Variants in ICA1 observed in about 807,000 individuals in gnomAD.
ICA1 encodes 69 kDa islet cell autoantigen.
ICA1 carries 40 observed loss-of-function variants against 71.0 expected under a neutral mutation model. The ratio of observed to expected loss-of-function variants is 0.56; its 90% CI spans 0.44 to 0.73. The LOEUF is 0.73. Ranked by LOEUF, ICA1 falls within the 30% of genes least tolerant of loss-of-function variation. ICA1 has a pLI of 0.00. For missense variants in ICA1, 578 were observed against 576.5 expected (o/e 1.00, Z -0.03); for synonymous variants, 207 against 209.5 (o/e 0.99, Z 0.10).
At chr7:8,122,792 C>T (rs959341880) in intron 13 of ICA1, among the ~76,000 whole-genome samples, 1 of 152,172 alleles carries the variant, frequency 6.6e-6, no homozygotes, top group African/African-American at 2.4e-5. Flanking sequence ...AAAAGAATAC[C>T]GTGAAGGAAC....
At chr7:8,233,602 G>T (rs1368530023) in intron 2 of ICA1, among the ~76,000 whole-genome samples, 1 of 151,728 alleles carries the variant, frequency 6.6e-6, no homozygotes, top group East Asian at 1.9e-4. Context: ...CACTATGTTG[G>T]CCAGGCTGGT....
At chr7:8,157,711 T>TTTTA (rs1802183147) in intron 7 of ICA1, 1 of 152,276 alleles carries the variant, frequency 6.6e-6, no homozygotes, top group Non-Finnish European at 1.5e-5. Flanking sequence ...TTTTTTTTTT[T>TTTTA]TGAGATGGAG....
chr7:8,208,911 G>A (rs1045748494), intron 6 of ICA1, among the ~76,000 whole-genome samples: 7 of 152,126 alleles, frequency 4.6e-5, no homozygotes, highest in Admixed American at 3.9e-4. Context: ...AGGCACTGAG[G>A]AGCCCTTGTT....
chr7:8,210,322 G>T (rs781419251), intron 6 of ICA1, among the ~76,000 whole-genome samples: 2 of 152,190 alleles, frequency 1.3e-5, no homozygotes, highest in African/African-American at 2.4e-5. Context: ...AACAGAAAAG[G>T]ATGTGAGAGA....
intron 1 of ICA1, among the ~76,000 whole-genome samples, chr7:8,246,402 T>C (rs1022705608): frequency 1.3e-5 from 2 of 152,130 alleles, no homozygotes; most frequent in African/African-American, 4.8e-5. Flanking sequence ...TGGGAATGAG[T>C]TGGTGAGGAG....
At chr7:8,150,948 G>A (rs1274143590) in intron 8 of ICA1, among the ~76,000 whole-genome samples, 1 of 152,206 alleles carries the variant, frequency 6.6e-6, no homozygotes, top group African/African-American at 2.4e-5. Context: ...GCAGGCCCAG[G>A]CAAACGACTA....
At position 8,234,613 on chromosome 7, in the gene ICA1, G is replaced by C. The variant is rs1801270757; in HGVS notation, c.17+1297C>G. ...ACATTTATTCTTAAAAAGCCAGAAGGCATTTCTGATGACTTCCTTAACAAT... is the reference window on the plus strand; with the variant it reads ...ACATTTATTCTTAAAAAGCCAGAAGCCATTTCTGATGACTTCCTTAACAAT... On this transcript the variant is annotated intron_variant, in intron 2 of 13. Coordinates refer to ENST00000402384, the MANE Select transcript of ICA1 (RefSeq NM_001136020.3). This position sits in a 1 kb window ranked among gnomAD's most constrained non-coding sequence, Gnocchi z 4.5. 6.6e-6 allele frequency among the ~76,000 whole-genome samples: 1 copy of C among 152,164 alleles called. No homozygotes were observed. The highest frequency in any genetic ancestry group is 2.1e-4 in the South Asian group (1 of 4,826).
intron 3 of ICA1, 106 bp downstream of exon 3, chr7:8,232,484 C>T (rs1031834161): frequency 2.1e-6 from 2 of 970,410 alleles, no homozygotes; most frequent in Admixed American, 8.1e-5. Context: ...AGATTTTCCT[C>T]ATTTTCAAAT....
At chr7:8,243,229 G>A (rs867451851) in intron 1 of ICA1, among the ~76,000 whole-genome samples, 10 of 152,214 alleles carry the variant, frequency 6.6e-5, no homozygotes, top group East Asian at 1.9e-4. Context: ...CAATCAAGTC[G>A]GCTTCATCCC....
intron 6 of ICA1, among the ~76,000 whole-genome samples, chr7:8,164,464 G>T (rs899653025): frequency 2.0e-5 from 3 of 152,042 alleles, no homozygotes; most frequent in Non-Finnish European, 4.4e-5. Context: ...TGAGTGCTGG[G>T]GTGTGGAGGA....
intron 6 of ICA1, among the ~76,000 whole-genome samples, chr7:8,183,388 T>C (rs1053324311): frequency 6.6e-6 from 1 of 152,208 alleles, no homozygotes; most frequent in Non-Finnish European, 1.5e-5. Context: ...TGCAGCCACA[T>C]TGGAATATAA....
chr7:8,194,135 C>T (rs1156293226), intron 6 of ICA1, among the ~76,000 whole-genome samples: 1 of 152,156 alleles, frequency 6.6e-6, no homozygotes, highest in Non-Finnish European at 1.5e-5. Flanking sequence ...CAGAACTATT[C>T]CAGAACTGTT....
At chr7:8,147,011 T>G (rs115101793) in intron 8 of ICA1, among the ~76,000 whole-genome samples, 222 of 151,924 alleles carry the variant, frequency 1.5e-3, no homozygotes, top group African/African-American at 5.1e-3. Flanking sequence ...AAGACTCACT[T>G]TTAAATTTTG....
At chr7:8,131,185 G>C (rs963134153) in intron 12 of ICA1, among the ~76,000 whole-genome samples, 1 of 152,184 alleles carries the variant, frequency 6.6e-6, no homozygotes, top group Non-Finnish European at 1.5e-5. Context: ...TCAACACATA[G>C]AGGGAAACAG....
chr7:8,245,488 G>A (rs546476496), intron 1 of ICA1, among the ~76,000 whole-genome samples: 65 of 152,124 alleles, frequency 4.3e-4, no homozygotes, highest in African/African-American at 1.5e-3. Context: ...CAGTGGGCCA[G>A]CATGGCACAT....
rs1794301203 is a variant in ICA1 at position 8,138,979 on chromosome 7, G to C, written c.1018+6C>G. ...AAATTGAGTAGTTTTCCTTAATCTA[G>C]GTTACCTGAGCATGCAGTATGTGTA... On this transcript the variant is annotated splice_donor_region_variant and intron_variant, in intron 11 of 13. Coordinates refer to ENST00000402384, the MANE Select transcript of ICA1 (RefSeq NM_001136020.3). The C allele has an allele frequency of 7.4e-6, 12 of 1,610,740 alleles. No homozygotes were observed. The highest frequency in any genetic ancestry group is 1.7e-4 in the Middle Eastern group (1 of 6,050).
rs566057322 is a variant in ICA1 at position 8,175,687 on chromosome 7, T to C, written c.580-17035A>G. ...CTTGCTCTTCAGAAGTTCAGGTTTA[T>C]ACATGTTCTGATAACAAAACAAAAA... On this transcript the variant is annotated intron_variant, in intron 6 of 13. Coordinates refer to ENST00000402384, the MANE Select transcript of ICA1 (RefSeq NM_001136020.3). Among the ~76,000 whole-genome samples the C allele has an allele frequency of 1.2e-4, 18 of 152,334 alleles. 1 individual carries two copies. In the East Asian group the frequency reaches 2.1e-3, roughly 18 times the overall value.
rs780835255 is a variant in ICA1, at chr7:8,141,779, G to T, written c.941C>A (p.Ser314Tyr). Residue 314 changes from serine (S) to tyrosine (Y), a missense_variant, in exon 10 of 14, where the codon TCC (serine) becomes TAC (tyrosine). Ser to Tyr is a moderately radical substitution (Grantham distance 144). Coordinates refer to ENST00000402384, the MANE Select transcript of ICA1 (RefSeq NM_001136020.3). ...SLEEENQRKE[S>Y]SSFKTEDGKS... Reference sequence around the variant, plus strand: ...TCAAAACTTACTCTTAAAACTAGAGGATTCCTTGCGCTGGTTTTCTTCCTC... The same window carrying T: ...TCAAAACTTACTCTTAAAACTAGAGTATTCCTTGCGCTGGTTTTCTTCCTC... The T allele has an allele frequency of 1.1e-5, 17 of 1,566,488 alleles. No individual in the cohort carries two copies. The highest frequency in any genetic ancestry group is 1.5e-5 in the Non-Finnish European group (17 of 1,144,226).
At chr7:8,199,378 G>A (rs1289010926) in intron 6 of ICA1, among the ~76,000 whole-genome samples, 1 of 152,120 alleles carries the variant, frequency 6.6e-6, no homozygotes, top group Non-Finnish European at 1.5e-5. Context: ...AAGAAAATGT[G>A]GTACTTATAC....
Sources: allele counts gnomAD v4.1 joint callset (sites outside exome capture counted in the v4.1 genomes callset), GRCh38; gene constraint gnomAD v4.1.1; non-coding constraint Gnocchi (gnomAD v3.1); transcripts MANE v1.5; gene names NCBI Gene and HGNC (gene_info 2026-07-23, HGNC 2026-07-21).